SNX7: variants seen among roughly 807,000 people sequenced by gnomAD.
SNX7 encodes sorting nexin-7.
A neutral mutation model predicts 48.4 loss-of-function variants in SNX7; 35 were observed. That is an observed-to-expected ratio of 0.72 (90% confidence interval 0.55 to 0.96). The LOEUF (loss-of-function observed/expected upper bound fraction) is 0.96, where lower values mean the gene tolerates loss of function less well. Ranked by LOEUF, SNX7 falls within the 40% of genes least tolerant of loss-of-function variation. The pLI is 0.00. For synonymous variants in SNX7, 190 were observed against 190.2 expected, an observed-to-expected ratio of 1.00 and a Z score of 0.01; for missense variants, 553 against 548.9, an observed-to-expected ratio of 1.01 and a Z score of -0.07.
At position 98,661,893 on chromosome 1, in the gene SNX7, C is replaced by T. The variant is rs776308079; in HGVS notation, c.162C>T (p.Asp54=). ...TGGATCTGGACGAGGACGAGGACGA[C>T]CTGGAGGTGTTCAGCAAGGTGAGGG... is the stretch of plus-strand genomic sequence containing the variant. ...EVLDLDEDED[D]LEVFSKDASL... is the part of the protein sequence containing the mutation. The change falls in exon 1 of 9, where the codon GAC becomes GAT. Residue 54 remains aspartate, a synonymous_variant. Transcript: ENST00000306121. The T allele has an allele frequency of 2.8e-4, 354 of 1,247,294 alleles. No individual in the cohort carries two copies. The highest frequency in any genetic ancestry group is 3.4e-4 in the Non-Finnish European group (337 of 987,616). The allele number at this position is 1,247,294 out of a possible 1,614,324, so 77.3% of individuals were successfully genotyped here.
chr1:98,730,393 T>G (rs545723037), intron 7 of SNX7, among the ~76,000 whole-genome samples: 1 of 152,032 alleles, frequency 6.6e-6, no homozygotes, highest in Admixed American at 6.6e-5. Flanking sequence ...AGCTTACTAT[T>G]GGAAGTTCTG....
intron 7 of SNX7, among the ~76,000 whole-genome samples, chr1:98,704,129 G>A (rs1331157736): frequency 1.3e-5 from 2 of 149,538 alleles, no homozygotes; most frequent in African/African-American, 4.9e-5. Flanking sequence ...GTCTTCTGCT[G>A]TATAAAAATT....
chr1:98,696,354 A>C (rs1264273423), intron 5 of SNX7, among the ~76,000 whole-genome samples: 1 of 152,106 alleles, frequency 6.6e-6, no homozygotes, highest in Non-Finnish European at 1.5e-5. Context: ...AGACAAACAA[A>C]AGTTCCTAAG....
intron 8 of SNX7, among the ~76,000 whole-genome samples, chr1:98,741,156 C>G (rs1444955719): frequency 6.6e-6 from 1 of 152,052 alleles, no homozygotes; most frequent in African/African-American, 2.4e-5. Flanking sequence ...GGAAATACTT[C>G]TTTTTTCATC....
At chr1:98,697,829 A>T (rs1293395710) in intron 5 of SNX7, among the ~76,000 whole-genome samples, 2 of 152,152 alleles carry the variant, frequency 1.3e-5, no homozygotes, top group African/African-American at 4.8e-5. Flanking sequence ...TTGGAACAGA[A>T]TCAGAGGAGA....
In SNX7 at chr1:98,698,877, A is replaced by C. The variant is rs765613025; in HGVS notation, c.1010A>C (p.Glu337Ala). 1 of 1,613,756 alleles carries C rather than the reference A, an allele frequency of 6.2e-7. No individual in the cohort carries two copies. ...LSEALLPVVH[E>A]YVLYSEMLMG... ...GAGGCCCTGCTTCCTGTTGTACATG[A>C]GTACGTGCTTTATAGTGAAATGTTA... Residue 337 changes from glutamate (E) to alanine (A), a missense_variant, in exon 6 of 9, where the codon GAG becomes GCG. By Grantham distance (107) the Glu-to-Ala change is moderately radical. Coordinates refer to ENST00000306121, the MANE Select transcript of SNX7 (RefSeq NM_015976.5).
At chr1:98,755,285 C>A (rs1654786877) in intron 8 of SNX7, among the ~76,000 whole-genome samples, 1 of 151,876 alleles carries the variant, frequency 6.6e-6, no homozygotes, top group Admixed American at 6.6e-5. Flanking sequence ...TGCTTTTGTC[C>A]TGTAGATCTC....
chr1:98,724,222 A>G (rs973318628), intron 7 of SNX7, among the ~76,000 whole-genome samples: 2 of 152,098 alleles, frequency 1.3e-5, no homozygotes, highest in African/African-American at 2.4e-5. Flanking sequence ...GGCAACTTAC[A>G]CTAGAGATTT....
intron 7 of SNX7, among the ~76,000 whole-genome samples, chr1:98,732,818 A>G (rs1653583187): frequency 6.6e-6 from 1 of 152,138 alleles, no homozygotes; most frequent in Non-Finnish European, 1.5e-5. Flanking sequence ...CAGATTCCAA[A>G]TCAGTTTAAG....
At chr1:98,680,818 G>A (rs1650447645) in intron 1 of SNX7, among the ~76,000 whole-genome samples, 1 of 152,148 alleles carries the variant, frequency 6.6e-6, no homozygotes, top group South Asian at 2.1e-4. Context: ...CAGCATTTTA[G>A]TCAAAGTCAT....
chr1:98,671,643 A>G (rs1332352497), intron 1 of SNX7, among the ~76,000 whole-genome samples: 1 of 152,146 alleles, frequency 6.6e-6, no homozygotes, highest in African/African-American at 2.4e-5. Flanking sequence ...CAGTTTTAGA[A>G]CATTTTCATC....
chr1:98,677,200 A>G (rs1650212648), intron 1 of SNX7: 1 of 152,240 alleles, frequency 6.6e-6, no homozygotes. Flanking sequence ...CATTATTTGA[A>G]TTTAAAGTTT....
At position 98,674,617 on chromosome 1, in the gene SNX7, T is replaced by C. The variant is rs186787328; in HGVS notation, c.181-10268T>C. 2.0e-5 allele frequency among the ~76,000 whole-genome samples: 3 copies of C among 152,310 alleles called. No individual in the cohort carries two copies. In the East Asian group the frequency reaches 5.8e-4, roughly 29 times the overall value. ...GGTACTGGGGATTTGGGCTTCAGCA[T>C]ATAAATTTGGGTGAGGGAACAATTC... On this transcript the variant is annotated intron_variant, in intron 1 of 8. Coordinates refer to ENST00000306121, the MANE Select transcript of SNX7 (RefSeq NM_015976.5).
chr1:98,757,284 A>G (rs1258412583), intron 8 of SNX7, among the ~76,000 whole-genome samples: 2 of 152,140 alleles, frequency 1.3e-5, no homozygotes, highest in African/African-American at 2.4e-5. Context: ...TCCAAAGACT[A>G]GGTGGCTTAA....
chr1:98,676,949 G>A (rs1650198054), intron 1 of SNX7, among the ~76,000 whole-genome samples: 1 of 152,034 alleles, frequency 6.6e-6, no homozygotes, highest in Non-Finnish European at 1.5e-5. Flanking sequence ...GGCCAACTTT[G>A]TTGCTAAGCT....
intron 8 of SNX7, among the ~76,000 whole-genome samples, chr1:98,745,730 A>G (rs1020319576): frequency 1.3e-5 from 2 of 152,050 alleles, no homozygotes; most frequent in Non-Finnish European, 2.9e-5. Context: ...TTACCGTCTT[A>G]TTCATTGGGA....
chr1:98,754,928 G>T (rs554570559), intron 8 of SNX7, among the ~76,000 whole-genome samples: 47 of 151,376 alleles, frequency 3.1e-4, no homozygotes, highest in Non-Finnish European at 6.0e-4. Context: ...CTTTTCATGT[G>T]TAGGCATTTA....
chr1:98,676,929 A>G (rs1337019723), intron 1 of SNX7, among the ~76,000 whole-genome samples: 1 of 151,918 alleles, frequency 6.6e-6, no homozygotes, highest in African/African-American at 2.4e-5. Context: ...TTTTTTTTTT[A>G]CTCAGTACTG....
At chr1:98,689,935 G>A (rs750405549) in intron 2 of SNX7, among the ~76,000 whole-genome samples, 28 of 151,916 alleles carry the variant, frequency 1.8e-4, no homozygotes, top group African/African-American at 4.4e-4. Context: ...CATTTCATTC[G>A]CTCCCACTTT....
Sources: allele counts gnomAD v4.1 joint callset (sites outside exome capture counted in the v4.1 genomes callset), GRCh38; gene constraint gnomAD v4.1.1; transcripts MANE v1.5; gene names NCBI Gene and HGNC (gene_info 2026-07-23, HGNC 2026-07-21).